ZBTB45: variants seen among roughly 807,000 people sequenced by gnomAD.
The protein encoded by ZBTB45 is zinc finger and BTB domain-containing protein 45.
Under a neutral mutation model 28.4 loss-of-function variants are expected in ZBTB45, and 22 were observed. The observed-to-expected ratio is 0.77, with a 90% confidence interval of 0.55 to 1.10. The LOEUF (loss-of-function observed/expected upper bound fraction) is 1.10. ZBTB45 is among the 50% of genes least tolerant of loss of function. The pLI is 0.00. For synonymous variants in ZBTB45, 361 were observed against 332.3 expected, an observed-to-expected ratio of 1.09 and a Z score of -0.94; for missense variants, 656 against 750.2, an observed-to-expected ratio of 0.87 and a Z score of 1.47.
At chr19:58,534,655 C>T (rs554204018) in intron 1 of ZBTB45, among the ~76,000 whole-genome samples, 11 of 150,230 alleles carry the variant, frequency 7.3e-5, no homozygotes, top group African/African-American at 2.7e-4. Flanking sequence ...CTCCCAGGTT[C>T]ACGCCATTCT....
At chr19:58,532,604 T>C (rs1181797862) in intron 1 of ZBTB45, among the ~76,000 whole-genome samples, 1 of 152,192 alleles carries the variant, frequency 6.6e-6, no homozygotes, top group Non-Finnish European at 1.5e-5. Flanking sequence ...TGGAGTGCAG[T>C]GTCACAATCT....
chr19:58,527,036 C>T (rs1008534571), intron 1 of ZBTB45, among the ~76,000 whole-genome samples: 1 of 152,126 alleles, frequency 6.6e-6, no homozygotes, highest in African/African-American at 2.4e-5. Flanking sequence ...AGGGGAAAGC[C>T]CCAACCCCCT....
intron 1 of ZBTB45, among the ~76,000 whole-genome samples, chr19:58,528,549 C>G (rs1018147320): frequency 6.6e-6 from 1 of 150,840 alleles, no homozygotes; most frequent in African/African-American, 2.4e-5. Context: ...CACCTGAGAT[C>G]AGGAGTTCAA....
rs1291036683 is a variant in ZBTB45, at chr19:58,515,542, A to G, written c.1279+853T>C. 6.6e-6 allele frequency among the ~76,000 whole-genome samples: 1 copy of G among 151,978 alleles called. No homozygotes were observed. Among genetic ancestry groups the G allele is most frequent in the African/African-American group, 2.4e-5 (1 of 41,382 alleles). On this transcript the variant is annotated intron_variant, in intron 2 of 2. Transcript: ENST00000594051. This position sits in a 1 kb window ranked among gnomAD's most constrained non-coding sequence, Gnocchi z 4.7. Reference sequence around the variant, plus strand: ...CCCAGGGCAGCCAGAGGTGATTTTAAACTGACATCTCAGTCACTCCCCAGC... The same window carrying G: ...CCCAGGGCAGCCAGAGGTGATTTTAGACTGACATCTCAGTCACTCCCCAGC...
At chr19:58,527,778 C>T (rs1040199995) in intron 1 of ZBTB45, among the ~76,000 whole-genome samples, 4 of 148,400 alleles carry the variant, frequency 2.7e-5, no homozygotes, top group African/African-American at 7.9e-5. Flanking sequence ...TCCCCTCCCT[C>T]TTTACAAGGG....
Position 58,517,029 on chromosome 19 carries a change from G to A in ZBTB45, c.645C>T (p.Asp215=), listed in dbSNP as rs370064043. 407 of 1,613,280 alleles carry A rather than the reference G, an allele frequency of 2.5e-4. 5 individuals are homozygous for A. The highest frequency in any genetic ancestry group is 2.2e-3 in the South Asian group (203 of 91,088). Reference sequence around the variant, plus strand: ...CGCCATCCTCGCCATCGGTCTCATCGTCACTTTCCTCGTCATCCTCGTCAC... The same window carrying A: ...CGCCATCCTCGCCATCGGTCTCATCATCACTTTCCTCGTCATCCTCGTCAC... ...DRGDEDDEES[D]DETDGEDGEG... Residue 215 remains aspartate, a synonymous_variant, in exon 2 of 3, where the codon GAC becomes GAT. Coordinates refer to ENST00000594051, the MANE Select transcript of ZBTB45 (RefSeq NM_001316979.2).
In ZBTB45 at chr19:58,514,135, G is replaced by A. The variant is rs369165964; in HGVS notation, c.1455C>T (p.Arg485=). Residue 485 remains arginine, a synonymous_variant, in exon 3 of 3, where the codon CGC becomes CGT. Coordinates refer to ENST00000594051, the MANE Select transcript of ZBTB45 (RefSeq NM_001316979.2). ...CCTTGCCGCAGGCGGGGCAGGGCGC[G>A]CGCTCGGGCCGGTGAGTGCGCATGT... ...NVHMRTHRPE[R]APCPACGKVF... is the part of the protein sequence containing the mutation. 1,445 of 1,602,162 alleles carry A rather than the reference G, an allele frequency of 9.0e-4. No homozygotes were observed. Among genetic ancestry groups the A allele is most frequent in the Non-Finnish European group, 1.2e-3 (1,371 of 1,175,032 alleles).
chr19:58,520,910 G>A (rs528517044), upstream of ZBTB45, among the ~76,000 whole-genome samples: 5 of 150,908 alleles, frequency 3.3e-5, no homozygotes, highest in African/African-American at 1.2e-4. Flanking sequence ...AAATTAGCTG[G>A]GCGTGGTGGC....
chr19:58,514,200 A>G lies in ZBTB45; in HGVS notation c.1390T>C (p.Cys464Arg), dbSNP rs1350827982. The G allele has an allele frequency of 1.2e-6, 2 of 1,612,548 alleles. No individual in the cohort carries two copies. The highest frequency in any genetic ancestry group is 8.5e-7 in the Non-Finnish European group (1 of 1,179,670). ...CTCTTCTGCGTGAAGCGCTTGGCGC[A>G]GACGGCGCACTGGAAGGCGCGCACG... is the stretch of plus-strand genomic sequence containing the variant. ...TGVRAFQCAV[C>R]AKRFTQKSSL... Residue 464 changes from cysteine (C) to arginine (R), a missense_variant, in exon 3 of 3, where the codon TGC (cysteine) becomes CGC (arginine). This residue lies in a region of ZBTB45 where 103 missense variants were observed against 153.5 expected (regional missense o/e 0.67). Transcript: ENST00000594051.
chr19:58,526,595 G>A (rs1197033203), intron 1 of ZBTB45, among the ~76,000 whole-genome samples: 4 of 130,472 alleles, frequency 3.1e-5, no homozygotes, highest in East Asian at 4.5e-4. Context: ...GCAGTGGCGG[G>A]ATCTCGGCTC....
chr19:58,514,391 C>T, intron 2 of ZBTB45, 81 bp from the exon 3 acceptor site: 1 of 1,424,340 alleles, frequency 7.0e-7, no homozygotes, highest in East Asian at 2.6e-5. Context: ...CCCACCTGGG[C>T]TCCTGGACCT....
At position 58,530,331 on chromosome 19, in the gene ZBTB45, C is replaced by T. The variant is rs142488200; in HGVS notation, c.-1+8370G>A. 3.2e-3 allele frequency among the ~76,000 whole-genome samples: 480 copies of T among 151,622 alleles called. 1 individual carries two copies. The highest frequency in any genetic ancestry group is 5.6e-3 in the Non-Finnish European group (380 of 67,898). On this transcript the variant is annotated intron_variant, in intron 1 of 1. Coordinates refer to the ZBTB45 transcript ENST00000600130. ...CTACTTTTAGTGTTTTTTTTTGAGA[C>T]GGAATTTTGCTCGTTGCTCAGGCTG...
At chr19:58,523,935 G>A (rs1439863822), upstream of ZBTB45, among the ~76,000 whole-genome samples, 1 of 68,248 alleles carries the variant, frequency 1.5e-5, no homozygotes, top group African/African-American at 3.8e-5. Context: ...TTAGCTGGGC[G>A]TGGTAGCAGG....
rs553551764 is a variant in ZBTB45 at position 58,538,741 on chromosome 19, T to C, written c.-41A>G. 5 of 152,396 alleles carry C rather than the reference T, an allele frequency of 3.3e-5. No individual in the cohort carries two copies. In the East Asian group the frequency reaches 9.6e-4, roughly 29 times the overall value. The allele number at this position is 152,396 out of a possible 1,614,324, so 9.4% of individuals were successfully genotyped here. On this transcript the variant is annotated 5_prime_UTR_variant, in exon 1 of 2. Coordinates refer to the ZBTB45 transcript ENST00000600130. ...GAGTGGCGAATGGGTTTCATGGTTG[T>C]TCGCGCCAGTCCTCGCGGCCTCCAA...
intron 2 of ZBTB45, 53 bp from the exon 3 acceptor site, chr19:58,514,363 C>CCGCCA: frequency 7.4e-7 from 1 of 1,343,868 alleles, no homozygotes; most frequent in Non-Finnish European, 9.6e-7. Flanking sequence ...CAGCTCCCCG[C>CCGCCA]CCCCACCCCA....
At chr19:58,537,419 T>C (rs1467251049) in intron 1 of ZBTB45, among the ~76,000 whole-genome samples, 1 of 152,140 alleles carries the variant, frequency 6.6e-6, no homozygotes, top group African/African-American at 2.4e-5. Context: ...GAGAAGAGCA[T>C]GGACCTTGAT....
At chr19:58,526,303 G>A (rs2053606369) in intron 1 of ZBTB45, among the ~76,000 whole-genome samples, 2 of 151,878 alleles carry the variant, frequency 1.3e-5, no homozygotes, top group South Asian at 2.1e-4. Context: ...TCCACCTCCC[G>A]GGTTCAAGTG....
chr19:58,524,672 A>G (rs994342196), upstream of ZBTB45, among the ~76,000 whole-genome samples: 2 of 151,960 alleles, frequency 1.3e-5, no homozygotes, highest in African/African-American at 4.8e-5. Flanking sequence ...TCACGAGGTC[A>G]GGAGATCGAG....
At chr19:58,522,159 CTTTTT>C (rs566701490), upstream of ZBTB45, among the ~76,000 whole-genome samples, 11 of 135,342 alleles carry the variant, frequency 8.1e-5, no homozygotes, top group African/African-American at 2.9e-4. Context: ...CCCGTCTCTA[CTTTTT>C]TTTTTTTTTT....
Sources: allele counts gnomAD v4.1 joint callset (sites outside exome capture counted in the v4.1 genomes callset), GRCh38; gene constraint gnomAD v4.1.1; regional missense constraint gnomAD v4.1.1; non-coding constraint Gnocchi (gnomAD v3.1); transcripts MANE v1.5; gene names NCBI Gene and HGNC (gene_info 2026-07-23, HGNC 2026-07-21).